Variants in IFNGR1 observed in about 807,000 individuals in gnomAD.
IFNGR1 encodes interferon gamma receptor 1.
Under a neutral mutation model 35.4 loss-of-function variants are expected in IFNGR1, and 23 were observed. The ratio of observed to expected loss-of-function variants is 0.65; its 90% CI spans 0.47 to 0.92. The LOEUF is 0.92. Among genes scored for constraint, IFNGR1 ranks in the 40% least tolerant of loss-of-function variants. The pLI, the probability that IFNGR1 is intolerant of heterozygous loss-of-function variation, is 0.00. For synonymous variants in IFNGR1, 199 were observed against 209.5 expected (o/e 0.95, Z 0.43); for missense variants, 533 against 583.4 (o/e 0.91, Z 0.89).
chr6:137,210,217 A>G (rs900981025), intron 1 of IFNGR1, among the ~76,000 whole-genome samples: 66 of 151,846 alleles, frequency 4.3e-4, no homozygotes, highest in Admixed American at 3.9e-4. Flanking sequence ...AGTTTCAGCT[A>G]CTCGGGAGGC....
intron 3 of IFNGR1, 101 bp downstream of exon 3, chr6:137,206,035 A>G: frequency 1.1e-6 from 1 of 948,946 alleles, no homozygotes; most frequent in Middle Eastern, 2.1e-4. Flanking sequence ...TTTCTTAAGC[A>G]TTGTGATAAT....
At chr6:137,211,546 C>T (rs1024079855) in intron 1 of IFNGR1, among the ~76,000 whole-genome samples, 1 of 152,188 alleles carries the variant, frequency 6.6e-6, no homozygotes, top group Non-Finnish European at 1.5e-5. Context: ...TCTCCTTCTG[C>T]TTCCAGAGGC....
chr6:137,200,779 A>T, intron 6 of IFNGR1, 102 bp downstream of exon 6: 1 of 995,022 alleles, frequency 1.0e-6, no homozygotes. Context: ...GGCAGGTGAC[A>T]TCTTGTTGAA....
At chr6:137,204,260 T>C in intron 4 of IFNGR1, 72 bp downstream of exon 4, 1 of 1,228,720 alleles carries the variant, frequency 8.1e-7, no homozygotes, top group South Asian at 1.2e-5. Flanking sequence ...CCTATTTTCA[T>C]TACACTACAG....
chr6:137,216,584 A>G (rs1316930817), intron 1 of IFNGR1, among the ~76,000 whole-genome samples: 1 of 152,206 alleles, frequency 6.6e-6, no homozygotes, highest in Non-Finnish European at 1.5e-5. Context: ...TCTAAGATGA[A>G]CTTCAACTAT....
chr6:137,213,980 T>C (rs926259584), intron 1 of IFNGR1, among the ~76,000 whole-genome samples: 2 of 152,232 alleles, frequency 1.3e-5, no homozygotes, highest in Non-Finnish European at 2.9e-5. Flanking sequence ...AGAAATCATC[T>C]GACAACCTGC....
chr6:137,200,343 C>T lies in IFNGR1; in HGVS notation c.861+538G>A, dbSNP rs575867920. Among the ~76,000 whole-genome samples the T allele has an allele frequency of 2.0e-5, 3 of 152,246 alleles. No homozygotes were observed. The South Asian group carries it at 6.2e-4, about 32-fold the overall frequency. ...AATGTTGGACATTAAAATCGTCAAACTCCTACGTTAGTCTCATTTTTGGCC... is the reference window on the plus strand; with the variant it reads ...AATGTTGGACATTAAAATCGTCAAATTCCTACGTTAGTCTCATTTTTGGCC... On this transcript the variant is annotated intron_variant, in intron 6 of 6. Transcript: ENST00000367739.
Position 137,197,816 on chromosome 6 carries a change from T to A in IFNGR1, c.*215A>T, listed in dbSNP as rs1779122778. On this transcript the variant is annotated 3_prime_UTR_variant, in exon 7 of 7. Transcript: ENST00000367739. ...GGATGTAAAGGTTCATAAGTTACAA[T>A]GCTTTTTTTGTTTAAAAAAAAAAAA... 1.9e-6 allele frequency: 1 copy of A among 534,942 alleles called. No homozygotes were observed. Among genetic ancestry groups the A allele is most frequent in the Admixed American group, 3.2e-5 (1 of 30,796 alleles). The allele number at this position is 534,942 out of a possible 1,614,324, so 33.1% of individuals were successfully genotyped here.
intron 2 of IFNGR1, 124 bp from the exon 3 acceptor site, chr6:137,206,432 G>A: frequency 1.5e-6 from 1 of 686,446 alleles, no homozygotes; most frequent in Non-Finnish European, 2.5e-6. Flanking sequence ...GCTAAGAATA[G>A]GATGGAGACG....
intron 6 of IFNGR1, among the ~76,000 whole-genome samples, chr6:137,199,138 C>A (rs1401986036): frequency 2.0e-5 from 3 of 151,568 alleles, no homozygotes; most frequent in African/African-American, 7.3e-5. Context: ...ATGCTTCCTG[C>A]CCTTGAACAT....
chr6:137,218,170 T>A (rs543865668), intron 1 of IFNGR1, among the ~76,000 whole-genome samples: 1 of 152,264 alleles, frequency 6.6e-6, no homozygotes, highest in South Asian at 2.1e-4. Context: ...TCTCCGTAAC[T>A]CAATTTCTCG....
intron 5 of IFNGR1, among the ~76,000 whole-genome samples, chr6:137,203,040 C>T (rs1779323585): frequency 6.6e-6 from 1 of 152,044 alleles, no homozygotes; most frequent in African/African-American, 2.4e-5. Flanking sequence ...TCAAACCCAT[C>T]TATAAACTTT....
At chr6:137,208,902 A>G (rs1779511646) in intron 1 of IFNGR1, among the ~76,000 whole-genome samples, 1 of 152,210 alleles carries the variant, frequency 6.6e-6, no homozygotes, top group African/African-American at 2.4e-5. Context: ...AAAGCTGCAG[A>G]CATTTGATGG....
At chr6:137,217,669 C>A (rs968445639) in intron 1 of IFNGR1, among the ~76,000 whole-genome samples, 7 of 152,116 alleles carry the variant, frequency 4.6e-5, no homozygotes, top group Non-Finnish European at 7.4e-5. Context: ...CTCTTGAGAC[C>A]CAGCTGGCAT....
chr6:137,214,842 CT>C (rs902286941), intron 1 of IFNGR1, among the ~76,000 whole-genome samples: 1 of 152,122 alleles, frequency 6.6e-6, no homozygotes, highest in Non-Finnish European at 1.5e-5. Flanking sequence ...AAAAACCAAA[CT>C]TTTTTGTCTG....
chr6:137,204,520 G>C lies in IFNGR1; in HGVS notation c.374-16C>G. 2 of 1,601,524 alleles carry C rather than the reference G, an allele frequency of 1.2e-6. No individual in the cohort carries two copies. The highest frequency in any genetic ancestry group is 1.7e-6 in the Non-Finnish European group (2 of 1,168,574). ...CCAATTTTTCCTGGGGAAGGAGGAG[G>C]AGGAAGTATAATAAATACTGGCCTT... On this transcript the variant is annotated splice_polypyrimidine_tract_variant and intron_variant, in intron 3 of 6. Coordinates refer to ENST00000367739, the MANE Select transcript of IFNGR1 (RefSeq NM_000416.3).
intron 3 of IFNGR1, 119 bp from the exon 4 acceptor site, chr6:137,204,623 C>A (rs555032112): frequency 9.1e-5 from 77 of 848,486 alleles, no homozygotes; most frequent in Non-Finnish European, 1.5e-4. Flanking sequence ...TGTTCTAAAG[C>A]AGGACCACAT....
Position 137,215,322 on chromosome 6 carries a change from C to T in IFNGR1, c.85+3921G>A, listed in dbSNP as rs775262468. 4.5e-6 allele frequency: 7 copies of T among 1,548,338 alleles called. No individual in the cohort carries two copies. In the South Asian group the frequency reaches 8.4e-5, roughly 19 times the overall value. ...TATTTTCTGGTGACTTCAAAAGCAT[C>T]TGCTTCAGGTAATGTTTCCTGATTT... On this transcript the variant is annotated intron_variant, in intron 1 of 6. Coordinates refer to ENST00000367739, the MANE Select transcript of IFNGR1 (RefSeq NM_000416.3).
intron 5 of IFNGR1, among the ~76,000 whole-genome samples, chr6:137,201,485 C>A (rs1410313618): frequency 6.6e-6 from 1 of 152,030 alleles, no homozygotes; most frequent in East Asian, 1.9e-4. Context: ...CAATCTTGGC[C>A]AACATGGTGA....
Sources: gnomAD v4.1 joint callset for allele counts (sites outside exome capture counted in the v4.1 genomes callset) on GRCh38, gnomAD v4.1.1 for gene constraint, MANE v1.5 for transcripts, NCBI Gene and HGNC (gene_info 2026-07-23, HGNC 2026-07-21) for gene names.